WDR33: variants seen among roughly 807,000 people sequenced by gnomAD.
WDR33 encodes the protein pre-mRNA 3' end processing protein WDR33.
Under a neutral mutation model 164.9 loss-of-function variants are expected in WDR33, and 47 were observed. The observed-to-expected ratio is 0.29, with a 90% confidence interval of 0.23 to 0.36. The LOEUF (loss-of-function observed/expected upper bound fraction) is 0.36, where lower values mean the gene tolerates loss of function less well. Ranked by LOEUF, WDR33 falls within the 10% of genes least tolerant of loss-of-function variation. The pLI is 1.00. For missense variants in WDR33, 1,137 were observed against 1,754.1 expected, an observed-to-expected ratio of 0.65 and a Z score of 6.28; for synonymous variants, 505 against 589.0, an observed-to-expected ratio of 0.86 and a Z score of 2.06.
intron 7 of WDR33, among the ~76,000 whole-genome samples, chr2:127,734,070 GAGC>G (rs1307656714): frequency 6.6e-6 from 1 of 152,148 alleles, no homozygotes; most frequent in Non-Finnish European, 1.5e-5. Flanking sequence ...TGTAACTGAA[GAGC>G]TTGTATATGA....
chr2:127,745,829 C>T lies in WDR33; in HGVS notation c.724+17233G>A, dbSNP rs183371004. Among the ~76,000 whole-genome samples the T allele has an allele frequency of 1.3e-3, 197 of 152,126 alleles. 2 individuals carry two copies. The highest frequency in any genetic ancestry group is 7.6e-3 in the East Asian group (39 of 5,164). On this transcript the variant is annotated intron_variant, in intron 7 of 21. Transcript: ENST00000322313. Reference sequence around the variant, plus strand: ...AACTAGAACTCAAAAAACAGCACGTCGTTCTCCAGAAAGATTCAAATATAT... The same window carrying T: ...AACTAGAACTCAAAAAACAGCACGTTGTTCTCCAGAAAGATTCAAATATAT...
At chr2:127,737,903 G>A (rs1686896314) in intron 7 of WDR33, 3 of 1,531,248 alleles carry the variant, frequency 2.0e-6, no homozygotes, top group Admixed American at 2.1e-5. Context: ...GCCATCCACA[G>A]CATCAACTGT....
chr2:127,805,697 C>A (rs1166680690), intron 1 of WDR33, among the ~76,000 whole-genome samples: 1 of 151,878 alleles, frequency 6.6e-6, no homozygotes, highest in Non-Finnish European at 1.5e-5. Context: ...CAAGCAGAAA[C>A]AAGAAAAGGA....
chr2:127,730,617 T>C (rs781675156), intron 7 of WDR33, among the ~76,000 whole-genome samples: 35 of 152,072 alleles, frequency 2.3e-4, no homozygotes, highest in Non-Finnish European at 4.4e-4. Flanking sequence ...AAAAAGCTCA[T>C]GAAATAATGT....
chr2:127,799,071 A>G (rs1226589086), intron 1 of WDR33: 1 of 152,140 alleles, frequency 6.6e-6, no homozygotes, highest in African/African-American at 2.4e-5. Context: ...TCAAACTCAT[A>G]TTCACATTTA....
At position 127,719,222 on chromosome 2, in the gene WDR33, G is replaced by A. The variant is rs1486222694; in HGVS notation, c.2760+43C>T. On this transcript the variant is annotated intron_variant, in intron 16 of 21. Coordinates refer to ENST00000322313, the MANE Select transcript of WDR33 (RefSeq NM_018383.5). The surrounding 1 kb of genome is among the most constrained non-coding windows in gnomAD (Gnocchi z 6.5). ...CTCAGCAGTATTACTTCTGTGCAGA[G>A]TGTATTTTCCCAATGTGCCCGTGAG... 2.2e-6 allele frequency: 3 copies of A among 1,390,162 alleles called. No homozygotes were observed. The highest frequency in any genetic ancestry group is 2.9e-5 in the African/African-American group (2 of 68,836). 86.1% of individuals were successfully genotyped at this position (1,390,162 alleles called of 1,614,324 possible). A position where few individuals can be genotyped will look rare whatever the true frequency, so the allele number is the denominator to read the frequency against.
chr2:127,751,399 A>G (rs1261627529), intron 7 of WDR33, among the ~76,000 whole-genome samples: 2 of 138,456 alleles, frequency 1.4e-5, no homozygotes, highest in East Asian at 4.1e-4. Context: ...TAATAATAAT[A>G]ATATTGATAT....
chr2:127,792,946 C>T (rs1250210734), intron 1 of WDR33, among the ~76,000 whole-genome samples: 4 of 152,124 alleles, frequency 2.6e-5, no homozygotes, highest in South Asian at 4.2e-4. Context: ...TATAAACACA[C>T]TCATAGAGAG....
chr2:127,701,320 C>G lies in WDR33; in HGVS notation c.*5003G>C. On this transcript the variant is annotated 3_prime_UTR_variant, in exon 22 of 22. Coordinates refer to ENST00000322313, the MANE Select transcript of WDR33 (RefSeq NM_018383.5). Reference sequence around the variant, plus strand: ...GGAAGAGGGTCAGGCGCTGGGAGGGCGACTGCAAGCGGACAGGCAGCACCT... The same window carrying G: ...GGAAGAGGGTCAGGCGCTGGGAGGGGGACTGCAAGCGGACAGGCAGCACCT... The G allele has an allele frequency of 2.6e-6, 1 of 386,944 alleles. No homozygotes were observed. The allele number at this position is 386,944 out of a possible 1,614,324, so 24.0% of individuals were successfully genotyped here.
rs986587586 is a variant in WDR33 at position 127,710,715 on chromosome 2, G to A, written c.3309-859C>T. Among the ~76,000 whole-genome samples the A allele has an allele frequency of 2.6e-5, 4 of 152,130 alleles. No individual in the cohort carries two copies. Among genetic ancestry groups the A allele is most frequent in the Non-Finnish European group, 4.4e-5 (3 of 68,022 alleles). On this transcript the variant is annotated intron_variant, in intron 18 of 21. Transcript: ENST00000322313. The surrounding 1 kb of genome is among the most constrained non-coding windows in gnomAD (Gnocchi z 4.4). The stretch of plus-strand genomic sequence containing the variant: ...CTTCTGGCAGCGCTCACTGAGAGGC[G>A]GTGGCGCCACCCTGCAGGGCCCCTC...
intron 7 of WDR33, among the ~76,000 whole-genome samples, chr2:127,748,234 T>C (rs1687221974): frequency 6.6e-6 from 1 of 152,166 alleles, no homozygotes; most frequent in Non-Finnish European, 1.5e-5. Flanking sequence ...TATAATACAT[T>C]ATAACACCCT....
chr2:127,722,664 A>G lies in WDR33; in HGVS notation c.1445T>C (p.Met482Thr), dbSNP rs759856402. 1 of 1,614,136 alleles carries G rather than the reference A, an allele frequency of 6.2e-7. No homozygotes were observed. The highest frequency in any genetic ancestry group is 1.1e-5 in the South Asian group (1 of 91,072). Reference sequence around the variant, plus strand: ...AGGTACTTTTTTCTGATCCTTTTGCATCACTTCCTCCATTCCCCAATCTAA... The same window carrying G: ...AGGTACTTTTTTCTGATCCTTTTGCGTCACTTCCTCCATTCCCCAATCTAA... ...PGLDWGMEEVMQKDQKKVPQK... is the reference protein window; with the variant it reads ...PGLDWGMEEVTQKDQKKVPQK... The change falls in exon 14 of 22, where the codon ATG becomes ACG. Residue 482 changes from methionine (M) to threonine (T), a missense_variant. This residue lies in a region of WDR33 where 75 missense variants were observed against 124.7 expected (regional missense o/e 0.60). Transcript: ENST00000322313. This position sits in a 1 kb window ranked among gnomAD's most constrained non-coding sequence, Gnocchi z 5.1.
chr2:127,702,923 A>G lies in WDR33; in HGVS notation c.*3400T>C, dbSNP rs1685929289. 6.0e-6 allele frequency: 1 copy of G among 167,076 alleles called. No individual in the cohort carries two copies. Among genetic ancestry groups the G allele is most frequent in the Non-Finnish European group, 1.5e-5 (1 of 68,122 alleles). The allele number at this position is 167,076 out of a possible 1,614,324, so 10.3% of individuals were successfully genotyped here. Reference sequence around the variant, plus strand: ...ATAGAAAGATAATTCTAGATCCGGAATACCTGTATCTGGTGGAAACCATGG... The same window carrying G: ...ATAGAAAGATAATTCTAGATCCGGAGTACCTGTATCTGGTGGAAACCATGG... On this transcript the variant is annotated 3_prime_UTR_variant, in exon 22 of 22. Coordinates refer to ENST00000322313, the MANE Select transcript of WDR33 (RefSeq NM_018383.5).
chr2:127,804,779 C>T (rs1017392830), intron 1 of WDR33, among the ~76,000 whole-genome samples: 1 of 151,910 alleles, frequency 6.6e-6, no homozygotes, highest in African/African-American at 2.4e-5. Context: ...ATTAGAAAAC[C>T]CCCAATAAAT....
rs531003279 is a variant in WDR33, at chr2:127,716,213, CTG to C, written c.2869+940_2869+941del. 9.3e-4 allele frequency among the ~76,000 whole-genome samples: 141 copies of C among 152,288 alleles called. No individual in the cohort carries two copies. Among genetic ancestry groups the C allele is most frequent in the African/African-American group, 3.0e-3 (126 of 41,558 alleles). ...TCTAATATCACACATAAATTCAAGA[CTG>C]AGCATAAATTCACAAAGTCCTAGGG... On this transcript the variant is annotated intron_variant, in intron 17 of 21. Transcript: ENST00000322313. The surrounding 1 kb of genome is among the most constrained non-coding windows in gnomAD (Gnocchi z 4.5).
chr2:127,799,523 G>A (rs1011426164), intron 1 of WDR33, among the ~76,000 whole-genome samples: 11 of 152,094 alleles, frequency 7.2e-5, no homozygotes, highest in Non-Finnish European at 7.3e-5. Flanking sequence ...GGCTGGACAC[G>A]GTGGCTCACG....
Position 127,763,027 on chromosome 2 carries a change from T to A in WDR33, c.724+35A>T. Reference sequence around the variant, plus strand: ...ATTTAACCACAAATGTCTTCCCTATTTAAATATTCCAATCAGTACTGTTAG... The same window carrying A: ...ATTTAACCACAAATGTCTTCCCTATATAAATATTCCAATCAGTACTGTTAG... On this transcript the variant is annotated intron_variant, in intron 7 of 21. Coordinates refer to ENST00000322313, the MANE Select transcript of WDR33 (RefSeq NM_018383.5). The surrounding 1 kb of genome is among the most constrained non-coding windows in gnomAD (Gnocchi z 4.5). 1 of 1,613,568 alleles carries A rather than the reference T, an allele frequency of 6.2e-7. No homozygotes were observed. The highest frequency in any genetic ancestry group is 8.5e-7 in the Non-Finnish European group (1 of 1,179,708).
intron 1 of WDR33, among the ~76,000 whole-genome samples, chr2:127,801,618 G>T (rs1454654442): frequency 6.6e-6 from 1 of 151,968 alleles, no homozygotes; most frequent in African/African-American, 2.4e-5. Flanking sequence ...AGGTGCAGTG[G>T]TTCATGCCTA....
chr2:127,793,498 T>C (rs1688915009), intron 1 of WDR33, among the ~76,000 whole-genome samples: 1 of 152,046 alleles, frequency 6.6e-6, no homozygotes, highest in Non-Finnish European at 1.5e-5. Flanking sequence ...CCCAGCACTT[T>C]GGGAGGCCAA....
Sources: gnomAD v4.1 joint callset for allele counts (sites outside exome capture counted in the v4.1 genomes callset) on GRCh38, gnomAD v4.1.1 for gene constraint, gnomAD v4.1.1 regional missense constraint, Gnocchi (gnomAD v3.1) non-coding constraint, MANE v1.5 for transcripts, NCBI Gene and HGNC (gene_info 2026-07-23, HGNC 2026-07-21) for gene names.